The following UTRN variants were observed in gnomAD, a reference collection of about 807,000 sequenced individuals.
The protein encoded by UTRN is dystrophin-related protein 1.
Under a neutral mutation model 463.9 loss-of-function variants are expected in UTRN, and 283 were observed. The ratio of observed to expected loss-of-function variants is 0.61; its 90% CI spans 0.55 to 0.67. The LOEUF (loss-of-function observed/expected upper bound fraction) is 0.67, where lower values mean the gene tolerates loss of function less well. Ranked by LOEUF, UTRN falls within the 30% of genes least tolerant of loss-of-function variation. The probability of loss-of-function intolerance (pLI) is 0.00; values close to 1 mark genes in which losing one functional copy is unlikely to be tolerated. For synonymous variants in UTRN, 1,442 were observed against 1,431.5 expected, an observed-to-expected ratio of 1.01 and a Z score of -0.17; for missense variants, 3,922 against 4,084.3, an observed-to-expected ratio of 0.96 and a Z score of 1.08.
At chr6:144,305,156 T>G (rs965380768) in intron 2 of UTRN, among the ~76,000 whole-genome samples, 10 of 152,110 alleles carry the variant, frequency 6.6e-5, no homozygotes, top group African/African-American at 2.2e-4. Flanking sequence ...GCTGGTAATG[T>G]TTTGACGTAT....
intron 33 of UTRN, among the ~76,000 whole-genome samples, chr6:144,498,595 A>C (rs1254730622): frequency 2.0e-5 from 3 of 152,106 alleles, no homozygotes; most frequent in Non-Finnish European, 4.4e-5. Flanking sequence ...AATAGATACT[A>C]GTGATTTTTC....
At chr6:144,332,291 GT>G (rs2114608796) in intron 2 of UTRN, among the ~76,000 whole-genome samples, 1 of 152,332 alleles carries the variant, frequency 6.6e-6, no homozygotes, top group Admixed American at 6.5e-5. Flanking sequence ...AGGTTGTCTT[GT>G]TCACGATTGT....
At chr6:144,310,705 G>A (rs1222225034) in intron 2 of UTRN, among the ~76,000 whole-genome samples, 1 of 152,198 alleles carries the variant, frequency 6.6e-6, no homozygotes, top group African/African-American at 2.4e-5. Flanking sequence ...TTGAACCCAG[G>A]AGGCAGAGGT....
At chr6:144,404,201 T>C (rs987957728) in intron 3 of UTRN, among the ~76,000 whole-genome samples, 1 of 152,192 alleles carries the variant, frequency 6.6e-6, no homozygotes, top group African/African-American at 2.4e-5. Flanking sequence ...TTATCTTGCC[T>C]GTGAGTATGT....
intron 65 of UTRN, among the ~76,000 whole-genome samples, chr6:144,809,533 A>G (rs1778430560): frequency 1.3e-5 from 2 of 152,182 alleles, no homozygotes; most frequent in Admixed American, 1.3e-4. Flanking sequence ...TTATAATATA[A>G]GAAGTGAGAA....
At chr6:144,798,876 G>A (rs1372051684) in intron 64 of UTRN, among the ~76,000 whole-genome samples, 1 of 152,188 alleles carries the variant, frequency 6.6e-6, no homozygotes, top group Non-Finnish European at 1.5e-5. Context: ...CGAGTAGCTG[G>A]GACTACAGGT....
At chr6:144,445,387 A>C (rs974349708) in intron 14 of UTRN, among the ~76,000 whole-genome samples, 2 of 145,678 alleles carry the variant, frequency 1.4e-5, no homozygotes, top group Non-Finnish European at 3.0e-5. Flanking sequence ...CTCTATTCCC[A>C]CATCTCTCAG....
chr6:144,745,124 G>A (rs1452474958), intron 54 of UTRN, among the ~76,000 whole-genome samples: 2 of 152,124 alleles, frequency 1.3e-5, no homozygotes, highest in Non-Finnish European at 1.5e-5. Context: ...TGACACCGGG[G>A]TTCTTCACTG....
In UTRN at chr6:144,341,219, A is replaced by G. The variant is rs548146282; in HGVS notation, c.79+49312A>G. Among the ~76,000 whole-genome samples, 3 of 152,384 alleles carry G rather than the reference A, an allele frequency of 2.0e-5. No individual in the cohort carries two copies. The East Asian group carries it at 5.8e-4, about 29-fold the overall frequency. ...AAATTTTTTAGAAGATGGATGAGTCATATTATTAATACATGTTGCAAGGCC... is the reference window on the plus strand; with the variant it reads ...AAATTTTTTAGAAGATGGATGAGTCGTATTATTAATACATGTTGCAAGGCC... On this transcript the variant is annotated intron_variant, in intron 2 of 74. Transcript: ENST00000367545.
At position 144,840,773 on chromosome 6, in the gene UTRN, C is replaced by T. The variant is rs749975745; in HGVS notation, c.10211C>T (p.Thr3404Ile). 1.2e-6 allele frequency: 2 copies of T among 1,613,938 alleles called. No homozygotes were observed. Among genetic ancestry groups the T allele is most frequent in the East Asian group, 2.2e-5 (1 of 44,880 alleles). The change falls in exon 73 of 75, where the codon ACC becomes ATC. Residue 3404 changes from threonine (T) to isoleucine (I), a missense_variant. By Grantham distance (89) the Thr-to-Ile change is moderately conservative. Around this residue, in one of 3 missense-constraint regions of UTRN, gnomAD observed 1,309 missense variants for 1,452.6 expected, o/e 0.90. Transcript: ENST00000367545. ...GACCTGCTGGCCCCACCGCACGACACCAGCACGGATCTCACGGAGGTCATG... is the reference window on the plus strand; with the variant it reads ...GACCTGCTGGCCCCACCGCACGACATCAGCACGGATCTCACGGAGGTCATG... ...GEDLLAPPHDTSTDLTEVMEQ... is the reference protein window; with the variant it reads ...GEDLLAPPHDISTDLTEVMEQ...
chr6:144,640,880 G>C (rs1229874168), intron 51 of UTRN, among the ~76,000 whole-genome samples: 38 of 152,124 alleles, frequency 2.5e-4, no homozygotes, highest in Admixed American at 2.5e-3. Flanking sequence ...TTCATTTGAA[G>C]ACCAGAAGTT....
At chr6:144,824,976 G>T (rs1780051104) in intron 66 of UTRN, among the ~76,000 whole-genome samples, 1 of 151,928 alleles carries the variant, frequency 6.6e-6, no homozygotes, top group Admixed American at 6.6e-5. Flanking sequence ...TGGAGATGGG[G>T]TCTCATTATG....
chr6:144,648,065 A>G (rs1778456257), intron 51 of UTRN, among the ~76,000 whole-genome samples: 1 of 152,210 alleles, frequency 6.6e-6, no homozygotes, highest in Admixed American at 6.5e-5. Context: ...TGTTGAAATA[A>G]TCACTTTATA....
intron 53 of UTRN, among the ~76,000 whole-genome samples, chr6:144,720,090 C>T (rs1210532862): frequency 6.6e-6 from 1 of 152,210 alleles, no homozygotes; most frequent in Admixed American, 6.5e-5. Context: ...CCCTCCAATT[C>T]TCTTAGACCC....
chr6:144,849,004 G>T (rs953567103), intron 74 of UTRN, among the ~76,000 whole-genome samples: 1 of 152,074 alleles, frequency 6.6e-6, no homozygotes, highest in African/African-American at 2.4e-5. Context: ...AGGAATGGGG[G>T]AGAATGGGGA....
intron 51 of UTRN, among the ~76,000 whole-genome samples, chr6:144,620,588 C>T (rs1320023607): frequency 6.6e-6 from 1 of 152,054 alleles, no homozygotes; most frequent in Non-Finnish European, 1.5e-5. Flanking sequence ...GGTTTTCTTA[C>T]TACTTTTTTT....
intron 50 of UTRN, among the ~76,000 whole-genome samples, chr6:144,564,783 C>G (rs562546360): frequency 6.6e-6 from 1 of 152,122 alleles, no homozygotes; most frequent in East Asian, 1.9e-4. Flanking sequence ...TCCACCTGGT[C>G]TCTCCCTTGA....
Position 144,462,738 on chromosome 6 carries a change from C to A in UTRN, c.2938C>A (p.Pro980Thr). 6.2e-7 allele frequency: 1 copy of A among 1,611,870 alleles called. No homozygotes were observed. Among genetic ancestry groups the A allele is most frequent in the South Asian group, 1.1e-5 (1 of 90,164 alleles). The change falls in exon 23 of 75, where the codon CCT becomes ACT. Residue 980 changes from proline to threonine, a missense_variant. This residue lies in a region of UTRN where 2,349 missense variants were observed against 2,303.8 expected (regional missense o/e 1.02). Transcript: ENST00000367545. ...AAAGGCTCTGGAGAAAAATGTTCAT[C>A]CTGATGTAGAAAAATTATATAAGCA... ...ETKALEKNVH[P>T]DVEKLYKQEF...
At chr6:144,696,858 A>G (rs1784061530) in intron 52 of UTRN, among the ~76,000 whole-genome samples, 1 of 152,122 alleles carries the variant, frequency 6.6e-6, no homozygotes, top group Non-Finnish European at 1.5e-5. Context: ...ATTTCCTTTT[A>G]TATCTGTACA....
Sources: allele counts gnomAD v4.1 joint callset (sites outside exome capture counted in the v4.1 genomes callset), GRCh38; gene constraint gnomAD v4.1.1; regional missense constraint gnomAD v4.1.1; transcripts MANE v1.5; gene names NCBI Gene and HGNC (gene_info 2026-07-23, HGNC 2026-07-21).